The following ASPM variants were observed in gnomAD, a reference collection of about 807,000 sequenced individuals.
ASPM encodes the protein abnormal spindle-like microcephaly-associated protein.
ASPM carries 256 observed loss-of-function variants against 366.4 expected under a neutral mutation model. The ratio of observed to expected loss-of-function variants is 0.70; its 90% CI spans 0.63 to 0.77. The LOEUF (loss-of-function observed/expected upper bound fraction) is 0.77. ASPM is among the 30% of genes least tolerant of loss of function. The pLI, the probability that ASPM is intolerant of heterozygous loss-of-function variation, is 0.00. For synonymous variants in ASPM, 1,414 were observed against 1,342.9 expected (o/e 1.05, Z -1.16); for missense variants, 4,146 against 4,090.4 (o/e 1.01, Z -0.37).
At chr1:197,127,175 T>G (rs1658116221) in intron 10 of ASPM, among the ~76,000 whole-genome samples, 1 of 152,222 alleles carries the variant, frequency 6.6e-6, no homozygotes, top group African/African-American at 2.4e-5. Flanking sequence ...TACTCTAAAG[T>G]TATCTCTAGT....
In ASPM at chr1:197,084,431, T is replaced by TAA. The variant is rs200839523; in HGVS notation, c.10332-7_10332-6dup. ...AAAACCCAATCTGGCTTAAGTCTGT[T>TAA]AAAAAAAAAAAAAAAGTCTGGCATT... On this transcript the variant is annotated splice_polypyrimidine_tract_variant and splice_region_variant and intron_variant, in intron 27 of 27. Transcript: ENST00000367409. The TAA allele has an allele frequency of 7.6e-3, 10,666 of 1,404,824 alleles. No homozygotes were observed. The highest frequency in any genetic ancestry group is 9.1e-3 in the Non-Finnish European group (9,265 of 1,014,098). The allele number at this position is 1,404,824 out of a possible 1,614,324, so 87.0% of individuals were successfully genotyped here. A position where few individuals can be genotyped will look rare whatever the true frequency, so the allele number is the denominator to read the frequency against.
At chr1:197,133,690 CAT>C in intron 5 of ASPM, 95 bp from the exon 6 acceptor site, 3 of 1,432,574 alleles carry the variant, frequency 2.1e-6, no homozygotes, top group South Asian at 1.2e-5. Flanking sequence ...ACGGTAAAAA[CAT>C]AATCTATTCC....
intron 17 of ASPM, among the ~76,000 whole-genome samples, chr1:197,109,428 GTATT>G (rs1462201939): frequency 6.6e-6 from 1 of 152,088 alleles, no homozygotes; most frequent in Non-Finnish European, 1.5e-5. Flanking sequence ...AGCAGAAAAA[GTATT>G]TAATGAAACC....
chr1:197,097,311 G>A (rs370124295), intron 18 of ASPM, among the ~76,000 whole-genome samples: 1 of 151,800 alleles, frequency 6.6e-6, no homozygotes, highest in East Asian at 2.0e-4. Flanking sequence ...TCTCTCTTCT[G>A]TAATACGCTT....
At chr1:197,092,203 TCAA>T in intron 21 of ASPM, 147 bp from the exon 22 acceptor site, 3 of 796,560 alleles carry the variant, frequency 3.8e-6, no homozygotes, top group East Asian at 2.7e-5. Context: ...ATATTGTAAT[TCAA>T]AGTAATTACA....
rs533116691 is a variant in ASPM at position 197,114,950 on chromosome 1, C to T, written c.4065+2839G>A. Among the ~76,000 whole-genome samples, 39 of 152,188 alleles carry T rather than the reference C, an allele frequency of 2.6e-4. 1 individual carries two copies. The highest frequency in any genetic ancestry group is 8.7e-4 in the African/African-American group (36 of 41,542). Reference sequence around the variant, plus strand: ...TTTTAGTGGAGACAGTGTTTCTCCACGTTGGCCAGACTGGTCTCAAACTCC... The same window carrying T: ...TTTTAGTGGAGACAGTGTTTCTCCATGTTGGCCAGACTGGTCTCAAACTCC... On this transcript the variant is annotated intron_variant, in intron 17 of 27. Transcript: ENST00000367409.
chr1:197,142,292 T>C (rs1358625287), intron 3 of ASPM, 39 bp downstream of exon 3: 1 of 1,589,626 alleles, frequency 6.3e-7, no homozygotes, highest in South Asian at 1.1e-5. Context: ...GTATCCCCTT[T>C]ACAGGTATAC....
chr1:197,109,019 T>C (rs1657499981), intron 17 of ASPM, among the ~76,000 whole-genome samples: 1 of 144,292 alleles, frequency 6.9e-6, no homozygotes, highest in Admixed American at 6.9e-5. Context: ...TTTGAGATGA[T>C]GAATATGCTA....
intron 7 of ASPM, among the ~76,000 whole-genome samples, chr1:197,132,067 T>C (rs1275173888): frequency 6.6e-6 from 1 of 152,170 alleles, no homozygotes; most frequent in Admixed American, 6.5e-5. Context: ...CAGTAAAATG[T>C]TGTATTACAA....
At chr1:197,130,211 T>C (rs999974574) in intron 7 of ASPM, among the ~76,000 whole-genome samples, 155 bp from the exon 8 acceptor site, 1 of 152,198 alleles carries the variant, frequency 6.6e-6, no homozygotes, top group African/African-American at 2.4e-5. Context: ...AAACTATGCA[T>C]ATATGATTTA....
intron 26 of ASPM, among the ~76,000 whole-genome samples, chr1:197,087,470 A>T (rs1383600388): frequency 6.6e-6 from 1 of 152,178 alleles, no homozygotes; most frequent in Non-Finnish European, 1.5e-5. Context: ...CAAGGCAATT[A>T]TAAGGAAGAT....
chr1:197,103,037 T>C lies in ASPM; in HGVS notation c.6214A>G (p.Ile2072Val), dbSNP rs1427002781. 2.5e-6 allele frequency: 4 copies of C among 1,612,288 alleles called. No homozygotes were observed. The Admixed American group carries it at 6.7e-5, about 27-fold the overall frequency. The change falls in exon 18 of 28, where the codon ATA (isoleucine) becomes GTA (valine). Residue 2072 changes from isoleucine to valine, a missense_variant. Physicochemically the swap from Ile to Val is conservative, Grantham distance 29. Coordinates refer to ENST00000367409, the MANE Select transcript of ASPM (RefSeq NM_018136.5). ...KYATYRASAI[I>V]IQRWYRGIKI... Reference sequence around the variant, plus strand: ...ATACCTCGATACCATCTCTGAATTATAATAGCTGAAGCTCTATAGGTTGCA... The same window carrying C: ...ATACCTCGATACCATCTCTGAATTACAATAGCTGAAGCTCTATAGGTTGCA...
rs1343820315 is a variant in ASPM, at chr1:197,103,145, C to A, written c.6106G>T (p.Val2036Leu). Residue 2036 changes from valine (V) to leucine (L), a missense_variant, in exon 18 of 28, where the codon GTG becomes TTG. Physicochemically the swap from Val to Leu is conservative, Grantham distance 32. Around this residue, in one of 3 missense-constraint regions of ASPM, gnomAD observed 3,624 missense variants for 3,591.7 expected, o/e 1.01. Coordinates refer to ENST00000367409, the MANE Select transcript of ASPM (RefSeq NM_018136.5). ...TTGCAATCCTTTATTCTTTTTCTCACTTTCATACCACGATAAGCTGACTGT... is the reference window on the plus strand; with the variant it reads ...TTGCAATCCTTTATTCTTTTTCTCAATTTCATACCACGATAAGCTGACTGT... ...TLQSAYRGMKVRKRIKDCNKA... is the reference protein window; with the variant it reads ...TLQSAYRGMKLRKRIKDCNKA... 1.9e-6 allele frequency: 3 copies of A among 1,612,734 alleles called. No homozygotes were observed. Among genetic ancestry groups the A allele is most frequent in the South Asian group, 2.2e-5 (2 of 91,046 alleles).
intron 26 of ASPM, among the ~76,000 whole-genome samples, chr1:197,088,044 A>C (rs974307486): frequency 6.6e-6 from 1 of 152,184 alleles, no homozygotes; most frequent in African/African-American, 2.4e-5. Context: ...TATGGCTGTA[A>C]TAAATTTATT....
chr1:197,102,511 T>C lies in ASPM; in HGVS notation c.6740A>G (p.Gln2247Arg). Reference protein sequence around the residue: ...NKLRHSVIYIQAIFRGKKARR... With the variant: ...NKLRHSVIYIRAIFRGKKARR... ...AGCTTTCTTTCCCCTAAAAATAGCCTGAATGTATATTACAGAATGCCTCAG... is the reference window on the plus strand; with the variant it reads ...AGCTTTCTTTCCCCTAAAAATAGCCCGAATGTATATTACAGAATGCCTCAG... Residue 2247 changes from glutamine (Q) to arginine (R), a missense_variant, in exon 18 of 28, where the codon CAG (glutamine) becomes CGG (arginine). Coordinates refer to ENST00000367409, the MANE Select transcript of ASPM (RefSeq NM_018136.5). 1 of 1,612,716 alleles carries C rather than the reference T, an allele frequency of 6.2e-7. No individual in the cohort carries two copies. The highest frequency in any genetic ancestry group is 1.1e-5 in the South Asian group (1 of 91,052).
chr1:197,108,895 TAGG>T (rs1011616122), intron 17 of ASPM, among the ~76,000 whole-genome samples: 1 of 145,334 alleles, frequency 6.9e-6, no homozygotes, highest in Non-Finnish European at 1.5e-5. Context: ...GGCTTGAGCC[TAGG>T]AGATTGAGGC....
chr1:197,142,317 T>C lies in ASPM; in HGVS notation c.1921+14A>G, dbSNP rs1230791658. The stretch of plus-strand genomic sequence containing the variant: ...TACAGGTATACTTCAGTAGATTTTA[T>C]AAACAAGACTCACCAGTTTTCTTCT... On this transcript the variant is annotated intron_variant, in intron 3 of 27. Coordinates refer to ENST00000367409, the MANE Select transcript of ASPM (RefSeq NM_018136.5). The C allele has an allele frequency of 1.9e-6, 3 of 1,612,290 alleles. No individual in the cohort carries two copies. The African/African-American group carries it at 4.0e-5, about 22-fold the overall frequency.
Position 197,103,385 on chromosome 1 carries a change from A to T in ASPM, c.5866T>A (p.Ser1956Thr). 1 of 1,613,264 alleles carries T rather than the reference A, an allele frequency of 6.2e-7. No individual in the cohort carries two copies. Residue 1956 changes from serine to threonine, a missense_variant, in exon 18 of 28, where the codon TCT (serine) becomes ACT (threonine). Ser to Thr is a moderately conservative substitution (Grantham distance 58, BLOSUM62 1). Around this residue, in one of 3 missense-constraint regions of ASPM, gnomAD observed 3,624 missense variants for 3,591.7 expected, o/e 1.01. Coordinates refer to ENST00000367409, the MANE Select transcript of ASPM (RefSeq NM_018136.5). Reference protein sequence around the residue: ...ELRHAVLVLQSMWKGKTLRRQ... With the variant: ...ELRHAVLVLQTMWKGKTLRRQ... ...CTCAGTGTTTTTCCCTTCCACATAG[A>T]TTGAAGCACCAGTACCGCATGACGG...
chr1:197,087,027 C>A (rs1201292879), intron 26 of ASPM, 55 bp from the exon 27 acceptor site: 3 of 1,453,984 alleles, frequency 2.1e-6, no homozygotes, highest in Non-Finnish European at 2.8e-6. Context: ...AATTTTATCT[C>A]TTTTAGACTA....
Sources: allele counts gnomAD v4.1 joint callset (sites outside exome capture counted in the v4.1 genomes callset), GRCh38; gene constraint gnomAD v4.1.1; regional missense constraint gnomAD v4.1.1; transcripts MANE v1.5; gene names NCBI Gene and HGNC (gene_info 2026-07-23, HGNC 2026-07-21).